SKAP1: variants seen among roughly 807,000 people sequenced by gnomAD.
The protein encoded by SKAP1 is src kinase associated phosphoprotein 1.
SKAP1 carries 44 observed loss-of-function variants against 58.5 expected under a neutral mutation model. That is an observed-to-expected ratio of 0.75 (90% CI 0.59 to 0.97). The LOEUF is 0.97. SKAP1 is among the 50% of genes least tolerant of loss of function. The pLI is 0.00. For synonymous variants in SKAP1, 127 were observed against 149.7 expected (o/e 0.85, Z 1.11); for missense variants, 390 against 435.2 (o/e 0.90, Z 0.92).
Position 48,246,271 on chromosome 17 carries a change from G to A in SKAP1, c.281-56771C>T, listed in dbSNP as rs922009942. On this transcript the variant is annotated intron_variant, in intron 4 of 12. Transcript: ENST00000336915. Reference sequence around the variant, plus strand: ...TTCAAAGGTTTCCAAAAATTAGGCTGGTTTACCTTTACTGTCTCCTCTCAT... The same window carrying A: ...TTCAAAGGTTTCCAAAAATTAGGCTAGTTTACCTTTACTGTCTCCTCTCAT... Among the ~76,000 whole-genome samples the A allele has an allele frequency of 2.0e-5, 3 of 152,242 alleles. No homozygotes were observed. In the East Asian group the frequency reaches 5.8e-4, roughly 29 times the overall value.
At chr17:48,254,354 G>T (rs1236519791) in intron 4 of SKAP1, among the ~76,000 whole-genome samples, 1 of 152,068 alleles carries the variant, frequency 6.6e-6, no homozygotes, top group Non-Finnish European at 1.5e-5. Context: ...ATTATTAATT[G>T]CCATTTACTG....
At chr17:48,165,429 T>G (rs2064126866) in intron 10 of SKAP1, among the ~76,000 whole-genome samples, 1 of 151,364 alleles carries the variant, frequency 6.6e-6, no homozygotes, top group African/African-American at 2.4e-5. Flanking sequence ...AGGCGAAGTT[T>G]TGCTCCTTTT....
At chr17:48,366,552 T>A (rs1385435453) in intron 2 of SKAP1, among the ~76,000 whole-genome samples, 1 of 152,184 alleles carries the variant, frequency 6.6e-6, no homozygotes, top group Non-Finnish European at 1.5e-5. Context: ...CAGGGGCATA[T>A]GTAAGCTGAA....
At position 48,315,995 on chromosome 17, in the gene SKAP1, AT is replaced by A. The variant is rs199739387; in HGVS notation, c.280+29909del. On this transcript the variant is annotated intron_variant, in intron 4 of 12. Transcript: ENST00000336915. ...AGGGATACTCAACCTGTATATACAT[AT>A]ATGCTAATATTTTCCTCCCATCGCC... Among the ~76,000 whole-genome samples, 88 of 152,274 alleles carry A rather than the reference AT, an allele frequency of 5.8e-4. 2 individuals are homozygous for A. In the East Asian group the frequency reaches 0.013, roughly 23 times the overall value.
intron 4 of SKAP1, among the ~76,000 whole-genome samples, chr17:48,264,920 G>A (rs1271194346): frequency 6.6e-6 from 1 of 152,120 alleles, no homozygotes; most frequent in Non-Finnish European, 1.5e-5. Context: ...TCCGAAGCTG[G>A]CATGGGGAGC....
intron 2 of SKAP1, among the ~76,000 whole-genome samples, chr17:48,370,584 A>G (rs2067071211): frequency 6.6e-6 from 1 of 152,168 alleles, no homozygotes; most frequent in African/African-American, 2.4e-5. Context: ...AGCGTGAGCC[A>G]CCACACCTGG....
chr17:48,424,381 A>G (rs2067831854), intron 1 of SKAP1, among the ~76,000 whole-genome samples: 1 of 151,256 alleles, frequency 6.6e-6, no homozygotes, highest in Admixed American at 6.6e-5. Context: ...GCCCGCCACC[A>G]CGCCCAGCTA....
At chr17:48,191,093 T>C (rs1302748560) in intron 4 of SKAP1, among the ~76,000 whole-genome samples, 1 of 152,234 alleles carries the variant, frequency 6.6e-6, no homozygotes, top group African/African-American at 2.4e-5. Flanking sequence ...GCTGCTAACA[T>C]TCTTGGCTTT....
intron 4 of SKAP1, among the ~76,000 whole-genome samples, chr17:48,224,047 G>GAGGAGGAGGAGGAGA (rs1567827398): frequency 2.0e-5 from 1 of 49,468 alleles, no homozygotes; most frequent in East Asian, 8.7e-4. Context: ...GAAGGAGGAG[G>GAGGAGGAGGAGGAGA]AGGAGGAGGA....
the SKAP1 span, among the ~76,000 whole-genome samples, chr17:48,443,616 C>T: frequency 6.6e-6 from 1 of 152,136 alleles, no homozygotes; most frequent in Non-Finnish European, 1.5e-5. Flanking sequence ...GCTGAGATTA[C>T]AGGTGCGTGC....
At chr17:48,425,839 A>G (rs2144623569) in intron 1 of SKAP1, among the ~76,000 whole-genome samples, 1 of 152,350 alleles carries the variant, frequency 6.6e-6, no homozygotes, top group East Asian at 1.9e-4. Flanking sequence ...AGACACAGAC[A>G]CTTACAAAGC....
chr17:48,163,245 T>A (rs1277395001), intron 10 of SKAP1, among the ~76,000 whole-genome samples: 2 of 152,206 alleles, frequency 1.3e-5, no homozygotes, highest in Non-Finnish European at 2.9e-5. Context: ...CCAAGATTTA[T>A]CTGCAAGCCC....
chr17:48,299,305 T>C lies in SKAP1; in HGVS notation c.280+46600A>G, dbSNP rs562079185. ...TCTATTTCGTTTTGTCTTTGTGGTG[T>C]CAATGTACTGTCCAGCATTTGGCTT... is the stretch of plus-strand genomic sequence containing the variant. On this transcript the variant is annotated intron_variant, in intron 4 of 12. Transcript: ENST00000336915. Among the ~76,000 whole-genome samples, 12 of 152,360 alleles carry C rather than the reference T, an allele frequency of 7.9e-5. No individual in the cohort carries two copies. The South Asian group carries it at 2.3e-3, about 29-fold the overall frequency.
chr17:48,252,277 A>T (rs2065372827), intron 4 of SKAP1, among the ~76,000 whole-genome samples: 1 of 152,234 alleles, frequency 6.6e-6, no homozygotes, highest in Non-Finnish European at 1.5e-5. Flanking sequence ...AGAAGAGCAC[A>T]CACATGAGTG....
intron 4 of SKAP1, among the ~76,000 whole-genome samples, chr17:48,337,359 C>T (rs1315502312): frequency 6.6e-6 from 1 of 152,186 alleles, no homozygotes; most frequent in African/African-American, 2.4e-5. Context: ...AAAAGTCAGA[C>T]TTCTATGTTA....
At chr17:48,156,507 G>A (rs1364121351) in intron 11 of SKAP1, 9 of 525,532 alleles carry the variant, frequency 1.7e-5, no homozygotes, top group South Asian at 1.3e-4. Context: ...TGGCTCCGGG[G>A]AGGAAGGGAA....
At chr17:48,239,183 C>T (rs2065215283) in intron 4 of SKAP1, among the ~76,000 whole-genome samples, 1 of 152,140 alleles carries the variant, frequency 6.6e-6, no homozygotes, top group Non-Finnish European at 1.5e-5. Flanking sequence ...ACACAATAAC[C>T]ATCTCTGGAC....
rs532524900 is a variant in SKAP1, at chr17:48,177,238, G to A, written c.826+2816C>T. The stretch of plus-strand genomic sequence containing the variant: ...AACTGGACTGTCTCAGGTCTGGTTC[G>A]AGAGGGCAGGGACCTAACCATCCCC... On this transcript the variant is annotated intron_variant, in intron 9 of 12. Transcript: ENST00000336915. Among the ~76,000 whole-genome samples the A allele has an allele frequency of 5.3e-5, 8 of 152,274 alleles. No individual in the cohort carries two copies. In the East Asian group the frequency reaches 9.7e-4, roughly 18 times the overall value.
chr17:48,228,070 A>T (rs973456082), intron 4 of SKAP1, among the ~76,000 whole-genome samples: 1 of 152,184 alleles, frequency 6.6e-6, no homozygotes, highest in African/African-American at 2.4e-5. Context: ...ATCTACAATT[A>T]AGTTGCAGGC....
Sources: gnomAD v4.1 joint callset for allele counts (sites outside exome capture counted in the v4.1 genomes callset) on GRCh38, gnomAD v4.1.1 for gene constraint, MANE v1.5 for transcripts, NCBI Gene and HGNC (gene_info 2026-07-23, HGNC 2026-07-21) for gene names.